STAT6: variants seen among roughly 807,000 people sequenced by gnomAD.
STAT6 encodes signal transducer and activator of transcription 6, also known as STAT, interleukin4-induced.
Under a neutral mutation model 106.3 loss-of-function variants are expected in STAT6, and 45 were observed. That is an observed-to-expected ratio of 0.42 (90% CI 0.33 to 0.54). The LOEUF is 0.54. STAT6 is among the 20% of genes least tolerant of loss of function. The pLI, the probability that STAT6 is intolerant of heterozygous loss-of-function variation, is 0.06. For missense variants in STAT6, 797 were observed against 1,062.2 expected (o/e 0.75, Z 3.47); for synonymous variants, 413 against 413.6 (o/e 1.00, Z 0.02).
Position 57,096,706 on chromosome 12 carries a change from TAGTG to T in STAT6, c.2406_2409del (p.Thr803SerfsTer38). 1 of 1,610,662 alleles carries T rather than the reference TAGTG, an allele frequency of 6.2e-7. No individual in the cohort carries two copies. Among genetic ancestry groups the T allele is most frequent in the South Asian group, 1.1e-5 (1 of 90,896 alleles). ...TCCCCTTGCCCCTCCAGGAGAAGCT[TAGTG>T]AGGTCCTGTTCAGTGGGAGGCAGCA... On this transcript the variant is annotated frameshift_variant, in exon 22 of 22. Coordinates refer to ENST00000300134, the MANE Select transcript of STAT6 (RefSeq NM_003153.5). LOFTEE classifies it high-confidence loss of function.
Position 57,104,828 on chromosome 12 carries a change from C to G in STAT6, c.1002-15G>C. 6.2e-7 allele frequency: 1 copy of G among 1,613,972 alleles called. No homozygotes were observed. Among genetic ancestry groups the G allele is most frequent in the Non-Finnish European group, 8.5e-7 (1 of 1,179,978 alleles). ...CAGTGCTTTCTCTGCCAGGGGAGGT[C>G]AGAGTGTGAACGAGCTCATCTCACT... On this transcript the variant is annotated splice_polypyrimidine_tract_variant and intron_variant, in intron 9 of 21. Transcript: ENST00000300134.
At chr12:57,102,948 T>C in intron 11 of STAT6, 27 bp from the exon 12 acceptor site, 1 of 1,036,826 alleles carries the variant, frequency 9.6e-7, no homozygotes, top group Non-Finnish European at 1.4e-6. Context: ...CAGGGGTTTC[T>C]TTTCTTTCTT....
At position 57,097,108 on chromosome 12, in the gene STAT6, G is replaced by A; in HGVS notation, c.2185C>T (p.Leu729=). ...QEPHLQMPPS[L]GQMSLPFDQP... ...TCAAAGGGCAGGCTCATCTGGCCCA[G>A]GCTGGGGGGCATCTGCAGGTGAGGC... The change falls in exon 20 of 22, where the codon CTG becomes TTG. Residue 729 remains leucine, a synonymous_variant. Coordinates refer to ENST00000300134, the MANE Select transcript of STAT6 (RefSeq NM_003153.5). The A allele has an allele frequency of 6.6e-7, 1 of 1,519,354 alleles. No individual in the cohort carries two copies. The highest frequency in any genetic ancestry group is 2.3e-5 in the East Asian group (1 of 43,880). 94.1% of individuals were successfully genotyped at this position (1,519,354 alleles called of 1,614,324 possible). A position where few individuals can be genotyped will look rare whatever the true frequency, so the allele number is the denominator to read the frequency against.
Position 57,099,751 on chromosome 12 carries a change from G to A in STAT6, c.1744+16C>T, listed in dbSNP as rs1341942030. On this transcript the variant is annotated intron_variant, in intron 15 of 21. Transcript: ENST00000300134. The surrounding 1 kb of genome is among the most constrained non-coding windows in gnomAD (Gnocchi z 4.7). ...GCACAGGCACAGAGACAGAGGACTG[G>A]CTGGGGTGGCCTCACCATCCTGGCC... is the stretch of plus-strand genomic sequence containing the variant. 1 of 1,610,376 alleles carries A rather than the reference G, an allele frequency of 6.2e-7. No individual in the cohort carries two copies. The highest frequency in any genetic ancestry group is 8.5e-7 in the Non-Finnish European group (1 of 1,178,476).
rs982102365 is a variant in STAT6 at position 57,096,100 on chromosome 12, G to C, written c.*472C>G. ...AGCTGCTTCCCATTCCCCTAGGGCT[G>C]AGACCCAATATCCTCTATCCCTGGC... On this transcript the variant is annotated 3_prime_UTR_variant, in exon 22 of 22. Transcript: ENST00000300134. The C allele has an allele frequency of 1.3e-5, 2 of 156,346 alleles. No individual in the cohort carries two copies. Among genetic ancestry groups the C allele is most frequent in the Admixed American group, 1.3e-4 (2 of 15,410 alleles). The allele number at this position is 156,346 out of a possible 1,614,324, so 9.7% of individuals were successfully genotyped here.
In STAT6 at chr12:57,096,926, G is replaced by A. The variant is rs1383116325; in HGVS notation, c.2278C>T (p.Leu760=). Residue 760 remains leucine (L), a synonymous_variant, in exon 21 of 22, where the codon CTG becomes TTG. Coordinates refer to ENST00000300134, the MANE Select transcript of STAT6 (RefSeq NM_003153.5). ...ACCATGGTCACATCTGAGCAGAGCA[G>A]GGGGTCAGGGCTGGACACAGCATGC... The part of the protein sequence containing the change: ...QEHAVSSPDP[L]LCSDVTMVED... 6.2e-7 allele frequency: 1 copy of A among 1,614,176 alleles called. No individual in the cohort carries two copies. Among genetic ancestry groups the A allele is most frequent in the African/African-American group, 1.3e-5 (1 of 75,062 alleles).
At position 57,105,452 on chromosome 12, in the gene STAT6, AG is replaced by A. The variant is rs2034210511; in HGVS notation, c.812+15del. On this transcript the variant is annotated intron_variant, in intron 8 of 21. Transcript: ENST00000300134. Reference sequence around the variant, plus strand: ...GAGGTCTGTTCTAGGCCAGACTGGGAGCTCCCGGGGAATACCTGGTGACGAG... The same window carrying A: ...GAGGTCTGTTCTAGGCCAGACTGGGACTCCCGGGGAATACCTGGTGACGAG... 6.2e-7 allele frequency: 1 copy of A among 1,613,534 alleles called. No homozygotes were observed. The highest frequency in any genetic ancestry group is 8.5e-7 in the Non-Finnish European group (1 of 1,179,814).
intron 7 of STAT6, 123 bp from the exon 8 acceptor site, chr12:57,105,722 G>A (rs1263344713): frequency 1.4e-6 from 2 of 1,423,028 alleles, no homozygotes; most frequent in East Asian, 2.5e-5. Flanking sequence ...GGTAGTGGGT[G>A]TGGCTGCAAG....
chr12:57,104,436 A>G (rs1217480659), intron 11 of STAT6, 28 bp downstream of exon 11: 1 of 1,595,554 alleles, frequency 6.3e-7, no homozygotes, highest in Admixed American at 1.8e-5. Flanking sequence ...GGGGTCCCAG[A>G]TTGGGGCAGG....
chr12:57,100,716 AAGAAAGAAAG>A (rs1565684855), intron 13 of STAT6: 1 of 67,974 alleles, frequency 1.5e-5, no homozygotes, highest in Non-Finnish European at 3.4e-5. Flanking sequence ...GAAAGAAAGA[AAGAAAGAAAG>A]AAAGAAAGAA....
chr12:57,100,198 G>A (rs530476874), intron 13 of STAT6, 108 bp from the exon 14 acceptor site: 1 of 914,352 alleles, frequency 1.1e-6, no homozygotes, highest in East Asian at 2.6e-5. Flanking sequence ...ACAGGGCTGA[G>A]GATCAGACCG....
chr12:57,102,682 G>A (rs937636527), intron 12 of STAT6, 147 bp downstream of exon 12: 2 of 898,816 alleles, frequency 2.2e-6, no homozygotes, highest in African/African-American at 1.7e-5. Flanking sequence ...GGTGAAAAGA[G>A]GTCAGAAGCA....
intron 19 of STAT6, among the ~76,000 whole-genome samples, chr12:57,098,235 T>C (rs2033576920): frequency 6.6e-6 from 1 of 152,182 alleles, no homozygotes. Flanking sequence ...TGCAGTGAGG[T>C]AGGTTATTAT....
Position 57,107,666 on chromosome 12 carries a change from T to C in STAT6, c.194A>G (p.Gln65Arg), listed in dbSNP as rs985033610. 1.2e-6 allele frequency: 2 copies of C among 1,612,432 alleles called. No homozygotes were observed. The highest frequency in any genetic ancestry group is 1.7e-6 in the Non-Finnish European group (2 of 1,179,656). The change falls in exon 3 of 22, where the codon CAG (glutamine) becomes CGG (arginine). Residue 65 changes from glutamine (Q) to arginine (R), a missense_variant. Around this residue, in one of 4 missense-constraint regions of STAT6, gnomAD observed 336 missense variants for 429.8 expected, o/e 0.78. Coordinates refer to ENST00000300134, the MANE Select transcript of STAT6 (RefSeq NM_003153.5). ...CTCCCCCTGCTCTCCCACCGAGGCCTGAAGGTGCTGGACAGTGTCTGAAAG... is the reference window on the plus strand; with the variant it reads ...CTCCCCCTGCTCTCCCACCGAGGCCCGAAGGTGCTGGACAGTGTCTGAAAG... ...ALLSDTVQHLQASVGEQGEGS... is the reference protein window; with the variant it reads ...ALLSDTVQHLRASVGEQGEGS...
intron 21 of STAT6, 31 bp from the exon 22 acceptor site, chr12:57,096,792 G>A (rs778888759): frequency 6.2e-7 from 1 of 1,613,386 alleles, no homozygotes; most frequent in Non-Finnish European, 8.5e-7. Flanking sequence ...CAGTGGAGTA[G>A]GCATGGCGCC....
rs377495799 is a variant in STAT6 at position 57,104,869 on chromosome 12, G to A, written c.1002-56C>T. The A allele has an allele frequency of 6.5e-4, 1,027 of 1,582,954 alleles. 1 individual carries two copies. Among genetic ancestry groups the A allele is most frequent in the Non-Finnish European group, 8.1e-4 (933 of 1,153,176 alleles). On this transcript the variant is annotated intron_variant, in intron 9 of 21. Transcript: ENST00000300134. ...TCATCTCACTGTCGTCAGGTGTGGC[G>A]AGTGCATGGGTGAGTGTAGACTACC...
intron 1 of STAT6, among the ~76,000 whole-genome samples, chr12:57,110,732 A>G (rs920135365): frequency 1.3e-5 from 2 of 152,090 alleles, no homozygotes; most frequent in African/African-American, 4.8e-5. Flanking sequence ...ACACCCTTGA[A>G]CAGGAACCTT....
chr12:57,109,887 G>A (rs2034485414), intron 1 of STAT6: 1 of 152,034 alleles, frequency 6.6e-6, no homozygotes, highest in African/African-American at 2.4e-5. Context: ...AACTCCCCAG[G>A]TCTCCCCAAA....
chr12:57,105,423 T>C, intron 8 of STAT6, 45 bp downstream of exon 8: 1 of 1,609,758 alleles, frequency 6.2e-7, no homozygotes, highest in South Asian at 1.1e-5. Context: ...CTTCTTTTCT[T>C]CCCGAGGTCT....
Sources: allele counts gnomAD v4.1 joint callset (sites outside exome capture counted in the v4.1 genomes callset), GRCh38; gene constraint gnomAD v4.1.1; regional missense constraint gnomAD v4.1.1; non-coding constraint Gnocchi (gnomAD v3.1); transcripts MANE v1.5; gene names NCBI Gene and HGNC (gene_info 2026-07-23, HGNC 2026-07-21).